TNC: variants seen among roughly 807,000 people sequenced by gnomAD.
TNC encodes the protein tenascin.
TNC carries 109 observed loss-of-function variants against 202.4 expected under a neutral mutation model. The ratio of observed to expected loss-of-function variants is 0.54; its 90% CI spans 0.46 to 0.63. The LOEUF (loss-of-function observed/expected upper bound fraction) is 0.63. Ranked by LOEUF, TNC falls within the 30% of genes least tolerant of loss-of-function variation. The probability of loss-of-function intolerance (pLI) is 0.00; values close to 1 mark genes in which losing one functional copy is unlikely to be tolerated. For synonymous variants in TNC, 1,007 were observed against 1,089.7 expected (o/e 0.92, Z 1.50); for missense variants, 2,756 against 2,833.3 (o/e 0.97, Z 0.62).
At chr9:115,073,979 G>A in intron 9 of TNC, 113 bp from the exon 10 acceptor site, 1 of 1,099,946 alleles carries the variant, frequency 9.1e-7, no homozygotes, top group Non-Finnish European at 1.3e-6. Flanking sequence ...CAGAGGAGCT[G>A]AGGGACCACA....
At chr9:115,071,876 AT>A (rs2132986579) in intron 10 of TNC, among the ~76,000 whole-genome samples, 1 of 152,268 alleles carries the variant, frequency 6.6e-6, no homozygotes, top group East Asian at 1.9e-4. Context: ...CTATAGATTT[AT>A]TTCTTCTTGG....
intron 8 of TNC, 48 bp from the exon 9 acceptor site, chr9:115,076,169 C>G (rs1054600736): frequency 1.3e-6 from 2 of 1,575,160 alleles, no homozygotes. Context: ...ATCAGAGAGA[C>G]TTTCAGAGGA....
intron 26 of TNC, 35 bp from the exon 27 acceptor site, chr9:115,024,171 T>A: frequency 6.2e-7 from 1 of 1,602,556 alleles, no homozygotes; most frequent in South Asian, 1.1e-5. Flanking sequence ...CTGAGAAATC[T>A]CAGCTGAAAT....
intron 27 of TNC, among the ~76,000 whole-genome samples, chr9:115,022,017 G>A (rs1488163544): frequency 6.6e-6 from 1 of 152,178 alleles, no homozygotes; most frequent in Non-Finnish European, 1.5e-5. Flanking sequence ...CTTTCTACAA[G>A]AAAAAACTGT....
chr9:115,105,740 G>A (rs12001794), intron 1 of TNC, among the ~76,000 whole-genome samples: 2 of 152,150 alleles, frequency 1.3e-5, no homozygotes, highest in African/African-American at 4.8e-5. Context: ...ACAACACGTT[G>A]ATAGGTACTA....
intron 24 of TNC, 117 bp from the exon 25 acceptor site, chr9:115,029,573 C>T: frequency 9.8e-7 from 1 of 1,022,946 alleles, no homozygotes. Flanking sequence ...TCTGTCCATC[C>T]CTAATTTGCT....
intron 2 of TNC, among the ~76,000 whole-genome samples, chr9:115,088,431 T>C (rs1048301912): frequency 5.7e-4 from 87 of 152,358 alleles, no homozygotes; most frequent in African/African-American, 2.1e-3. Context: ...TTATCTTTTA[T>C]TTCTTTCTAT....
Position 115,020,637 on chromosome 9 carries a change from C to A in TNC, c.*520G>T, listed in dbSNP as rs975613001. 3 of 361,648 alleles carry A rather than the reference C, an allele frequency of 8.3e-6. No homozygotes were observed. Among genetic ancestry groups the A allele is most frequent in the African/African-American group, 4.3e-5 (2 of 46,964 alleles). 22.4% of individuals were successfully genotyped at this position (361,648 alleles called of 1,614,324 possible). A position where few individuals can be genotyped will look rare whatever the true frequency, so the allele number is the denominator to read the frequency against. ...TTGAAAAATCCTTAGTTTTCATCAT[C>A]ATCATCATCATTATTATATTAATAA... On this transcript the variant is annotated 3_prime_UTR_variant, in exon 28 of 28. Coordinates refer to ENST00000350763, the MANE Select transcript of TNC (RefSeq NM_002160.4).
intron 6 of TNC, among the ~76,000 whole-genome samples, chr9:115,080,321 G>GA (rs397798937): frequency 3.7e-5 from 1 of 26,790 alleles, no homozygotes; most frequent in Admixed American, 5.4e-4. Context: ...GTGATCTAAT[G>GA]ATTTTTTTTT....
chr9:115,049,072 G>GT (rs34528869), intron 15 of TNC, among the ~76,000 whole-genome samples: 97,408 of 151,784 alleles, frequency 0.64, 31,975 homozygotes, highest in African/African-American at 0.78. Flanking sequence ...GAGGAGGTAA[G>GT]TTTTTTTTGT....
At chr9:115,024,779 C>T (rs1358693784) in intron 26 of TNC, among the ~76,000 whole-genome samples, 1 of 152,184 alleles carries the variant, frequency 6.6e-6, no homozygotes, top group South Asian at 2.1e-4. Context: ...GATTCTTAGA[C>T]AAGAAGCCCA....
intron 1 of TNC, among the ~76,000 whole-genome samples, chr9:115,111,399 C>CTCTTTTTTTTTTTTTTTTTTTTTTTTTTT (rs1174066886): frequency 2.8e-5 from 2 of 71,342 alleles, no homozygotes; most frequent in African/African-American, 1.2e-4. Flanking sequence ...CTCTCTCTCT[C>CTCTTTTTTTTTTTTTTTTTTTTTTTTTTT]TTTTTTTTTT....
chr9:115,023,648 C>T (rs1455186986), intron 27 of TNC, among the ~76,000 whole-genome samples: 1 of 152,200 alleles, frequency 6.6e-6, no homozygotes, highest in Non-Finnish European at 1.5e-5. Context: ...GTCATCAACC[C>T]TGCTTCACCT....
Position 115,035,345 on chromosome 9 carries a change from C to G in TNC, c.5657-11G>C, listed in dbSNP as rs2131796058. On this transcript the variant is annotated splice_polypyrimidine_tract_variant and intron_variant, in intron 21 of 27. Transcript: ENST00000350763. ...TTGGAGAATCGAGGTCTGGAGAAGA[C>G]AGGATGATTAATATCGGATAAGATC... 6.2e-7 allele frequency: 1 copy of G among 1,604,910 alleles called. No homozygotes were observed. Among genetic ancestry groups the G allele is most frequent in the Non-Finnish European group, 8.5e-7 (1 of 1,176,184 alleles).
At chr9:115,084,831 C>T (rs1834585045) in intron 3 of TNC, among the ~76,000 whole-genome samples, 1 of 152,172 alleles carries the variant, frequency 6.6e-6, no homozygotes, top group Non-Finnish European at 1.5e-5. Flanking sequence ...GTGTCCCTAG[C>T]ACTGGGAGGG....
chr9:115,059,687 C>A (rs778823826), intron 14 of TNC, 43 bp downstream of exon 14: 1 of 1,528,440 alleles, frequency 6.5e-7, no homozygotes, highest in Non-Finnish European at 8.8e-7. Flanking sequence ...GAAAAGGAAG[C>A]AAAGAACCTT....
Position 115,030,301 on chromosome 9 carries a change from C to T in TNC, c.6025G>A (p.Ala2009Thr), listed in dbSNP as rs2131647305. The T allele has an allele frequency of 6.2e-7, 1 of 1,613,826 alleles. No homozygotes were observed. The highest frequency in any genetic ancestry group is 8.5e-7 in the Non-Finnish European group (1 of 1,179,748). ...GTCATGTCACAGAAGACTTCCAGCGCCTCAGCCTTATCACCATTCAGATAA... is the reference window on the plus strand; with the variant it reads ...GTCATGTCACAGAAGACTTCCAGCGTCTCAGCCTTATCACCATTCAGATAA... ...TIYLNGDKAE[A>T]LEVFCDMTSD... Residue 2009 changes from alanine (A) to threonine (T), a missense_variant, in exon 24 of 28, where the codon GCG (alanine) becomes ACG (threonine). Ala to Thr is a moderately conservative substitution (Grantham distance 58). Coordinates refer to ENST00000350763, the MANE Select transcript of TNC (RefSeq NM_002160.4).
At chr9:115,097,974 G>A (rs1835922846) in intron 1 of TNC, among the ~76,000 whole-genome samples, 1 of 152,188 alleles carries the variant, frequency 6.6e-6, no homozygotes, top group African/African-American at 2.4e-5. Flanking sequence ...TTAGTCATCT[G>A]TTGAGAAGGC....
chr9:115,108,644 TC>T (rs1836801255), intron 1 of TNC, among the ~76,000 whole-genome samples: 1 of 152,190 alleles, frequency 6.6e-6, no homozygotes, highest in Non-Finnish European at 1.5e-5. Flanking sequence ...TTGTCTGCCT[TC>T]CCCCTGCTAT....
Sources: gnomAD v4.1 joint callset for allele counts (sites outside exome capture counted in the v4.1 genomes callset) on GRCh38, gnomAD v4.1.1 for gene constraint, MANE v1.5 for transcripts, NCBI Gene and HGNC (gene_info 2026-07-23, HGNC 2026-07-21) for gene names.